NTM: variants seen among roughly 807,000 people sequenced by gnomAD.
NTM encodes IgLON family member 2.
NTM carries 13 observed loss-of-function variants against 42.1 expected under a neutral mutation model. That is an observed-to-expected ratio of 0.31 (90% CI 0.20 to 0.49). NTM has a LOEUF of 0.49. Ranked by LOEUF, NTM falls within the 20% of genes least tolerant of loss-of-function variation. The probability of loss-of-function intolerance (pLI) is 0.99; values close to 1 mark genes in which losing one functional copy is unlikely to be tolerated. For missense variants in NTM, 373 were observed against 452.8 expected (o/e 0.82, Z 1.60); for synonymous variants, 187 against 179.2 (o/e 1.04, Z -0.35).
intron 1 of NTM, among the ~76,000 whole-genome samples, chr11:131,543,340 A>G (rs1187894373): frequency 6.6e-6 from 1 of 152,202 alleles, no homozygotes; most frequent in African/African-American, 2.4e-5. Context: ...CTTCCAGAGA[A>G]ACAAGAGAAC....
At chr11:131,769,845 C>T (rs756923940) in intron 1 of NTM, among the ~76,000 whole-genome samples, 1 of 152,232 alleles carries the variant, frequency 6.6e-6, no homozygotes. Context: ...TGGAGAAACA[C>T]ACCAGGAAGC....
Position 131,376,189 on chromosome 11 carries a change from C to G in NTM, c.82+5301C>G, listed in dbSNP as rs114226353. ...GGGAGGGAGGCCAACGGACCATGGG[C>G]GAGTTCAGCCCTCCCCAAAAGGTTC... On this transcript the variant is annotated intron_variant, in intron 1 of 8. Transcript: ENST00000683400. 5.9e-3 allele frequency among the ~76,000 whole-genome samples: 892 copies of G among 152,272 alleles called. 13 individuals are homozygous for G. Among genetic ancestry groups the G allele is most frequent in the African/African-American group, 0.019 (796 of 41,562 alleles).
intron 1 of NTM, among the ~76,000 whole-genome samples, chr11:131,442,387 G>A (rs1441700919): frequency 1.3e-5 from 2 of 152,120 alleles, no homozygotes; most frequent in Admixed American, 6.5e-5. Context: ...TACAACAGAG[G>A]GGACATGACA....
At chr11:131,477,988 G>T (rs528675036) in intron 1 of NTM, among the ~76,000 whole-genome samples, 1 of 152,024 alleles carries the variant, frequency 6.6e-6, no homozygotes, top group Admixed American at 6.6e-5. Context: ...TCTGGCCCAC[G>T]CTGCACTAGA....
intron 1 of NTM, among the ~76,000 whole-genome samples, chr11:131,834,636 A>G (rs2043255028): frequency 6.8e-6 from 1 of 146,982 alleles, no homozygotes; most frequent in Non-Finnish European, 1.5e-5. Context: ...ATATATATAT[A>G]TATATATATG....
At chr11:131,432,250 C>A (rs1948714324) in intron 1 of NTM, among the ~76,000 whole-genome samples, 8 of 152,120 alleles carry the variant, frequency 5.3e-5, no homozygotes, top group Admixed American at 5.2e-4. Flanking sequence ...GTTCTTTATT[C>A]CCCGCCAGTC....
intron 2 of NTM, among the ~76,000 whole-genome samples, chr11:132,062,775 G>A (rs1346034624): frequency 6.6e-6 from 1 of 152,194 alleles, no homozygotes; most frequent in African/African-American, 2.4e-5. Context: ...GGCTGCACTT[G>A]AAATGTGTGG....
At chr11:131,673,200 C>T in intron 1 of NTM, among the ~76,000 whole-genome samples, 1 of 152,126 alleles carries the variant, frequency 6.6e-6, no homozygotes, top group East Asian at 1.9e-4. Flanking sequence ...AAGAAGGTGA[C>T]CCCAGAACCC....
At chr11:131,721,238 T>C (rs2078291569) in intron 1 of NTM, among the ~76,000 whole-genome samples, 1 of 152,188 alleles carries the variant, frequency 6.6e-6, no homozygotes, top group Non-Finnish European at 1.5e-5. Flanking sequence ...GCAAGATTTC[T>C]CTTTCCTTTA....
chr11:132,042,645 A>G (rs773961218), intron 2 of NTM, among the ~76,000 whole-genome samples: 2 of 152,210 alleles, frequency 1.3e-5, no homozygotes. Context: ...AAAATTGGGT[A>G]TGAGATGGGT....
intron 3 of NTM, among the ~76,000 whole-genome samples, chr11:132,182,319 T>C (rs569055121): frequency 6.6e-6 from 1 of 152,286 alleles, no homozygotes; most frequent in East Asian, 1.9e-4. Flanking sequence ...ACTTTCATAT[T>C]TTTAAACAGT....
At chr11:131,646,268 G>A (rs1243425970) in intron 1 of NTM, among the ~76,000 whole-genome samples, 1 of 152,212 alleles carries the variant, frequency 6.6e-6, no homozygotes, top group Non-Finnish European at 1.5e-5. Flanking sequence ...GAGCTGAATA[G>A]TTGAATCAGA....
intron 1 of NTM, among the ~76,000 whole-genome samples, chr11:131,592,844 ATGC>A (rs993923336): frequency 6.6e-6 from 1 of 151,872 alleles, no homozygotes; most frequent in African/African-American, 2.4e-5. Context: ...CCTCCCCACA[ATGC>A]TGGGCTCAGA....
chr11:131,789,636 A>AGAGAAG (rs1555127949), intron 1 of NTM, among the ~76,000 whole-genome samples: 9 of 30,900 alleles, frequency 2.9e-4, no homozygotes, highest in African/African-American at 6.0e-4. Context: ...AAGAAGAAGA[A>AGAGAAG]AAGAAGAAGA....
At chr11:131,819,964 G>A (rs1309151573) in intron 1 of NTM, among the ~76,000 whole-genome samples, 8 of 152,164 alleles carry the variant, frequency 5.3e-5, no homozygotes, top group African/African-American at 9.7e-5. Context: ...ACTCGCCTTC[G>A]TGGCACAGGG....
chr11:131,685,259 G>T (rs924236577), intron 1 of NTM, among the ~76,000 whole-genome samples: 14 of 148,760 alleles, frequency 9.4e-5, no homozygotes, highest in African/African-American at 3.4e-4. Context: ...CCTTCCTGAT[G>T]CACTCCTCAA....
At chr11:132,070,120 T>C (rs2057299092) in intron 2 of NTM, among the ~76,000 whole-genome samples, 1 of 138,588 alleles carries the variant, frequency 7.2e-6, no homozygotes, top group Non-Finnish European at 1.5e-5. Flanking sequence ...CGTCACAGGT[T>C]AGTTAACACG....
intron 1 of NTM, among the ~76,000 whole-genome samples, chr11:131,428,319 T>G (rs1402040735): frequency 6.6e-6 from 1 of 152,232 alleles, no homozygotes; most frequent in Non-Finnish European, 1.5e-5. Context: ...TCACCGTAAG[T>G]TGGCCAAAAC....
At chr11:131,809,144 A>AT (rs1400206011) in intron 1 of NTM, among the ~76,000 whole-genome samples, 8 of 152,236 alleles carry the variant, frequency 5.3e-5, no homozygotes, top group African/African-American at 1.9e-4. Context: ...GGATGGACTG[A>AT]TTGATTGGTT....
Sources: gnomAD v4.1 joint callset for allele counts (sites outside exome capture counted in the v4.1 genomes callset) on GRCh38, gnomAD v4.1.1 for gene constraint, MANE v1.5 for transcripts, NCBI Gene and HGNC (gene_info 2026-07-23, HGNC 2026-07-21) for gene names.